ZNF45: variants seen among roughly 807,000 people sequenced by gnomAD.
The protein encoded by ZNF45 is BRC1744.
In ZNF45, 4 loss-of-function variants were observed where a neutral mutation model predicts 12.0. The ratio of observed to expected loss-of-function variants is 0.33; its 90% CI spans 0.16 to 0.76. ZNF45 has a LOEUF of 0.76. Among genes scored for constraint, ZNF45 ranks in the 30% least tolerant of loss-of-function variants. The pLI, the probability that ZNF45 is intolerant of heterozygous loss-of-function variation, is 0.60. For missense variants in ZNF45, 700 were observed against 813.0 expected (o/e 0.86, Z 1.69); for synonymous variants, 272 against 279.6 (o/e 0.97, Z 0.27).
intron 7 of ZNF45, among the ~76,000 whole-genome samples, chr19:43,921,824 GAACATTTTGTCTATAC>G (rs1973210341): frequency 6.6e-6 from 1 of 152,266 alleles, no homozygotes; most frequent in Middle Eastern, 3.4e-3. Context: ...GATGTAACTT[GAACATTTTGTCTATAC>G]AATGCTTATA....
intron 6 of ZNF45, among the ~76,000 whole-genome samples, chr19:43,922,817 TTTG>T (rs1201840611): frequency 8.6e-6 from 1 of 115,670 alleles, no homozygotes; most frequent in African/African-American, 3.0e-5. Context: ...CAATAAATTC[TTTG>T]TTTTTTTTTT....
chr19:43,918,721 G>A, intron 9 of ZNF45, 149 bp downstream of exon 9: 2 of 648,386 alleles, frequency 3.1e-6, no homozygotes, highest in South Asian at 2.0e-5. Context: ...ATATCCAAAA[G>A]CACCCAATAA....
chr19:43,925,695 T>A (rs1973616870), intron 3 of ZNF45, among the ~76,000 whole-genome samples: 1 of 152,170 alleles, frequency 6.6e-6, no homozygotes, highest in Admixed American at 6.5e-5. Context: ...GATCTCAGCT[T>A]ACTGCAACCT....
At chr19:43,928,933 T>C (rs1249158692) in intron 3 of ZNF45, among the ~76,000 whole-genome samples, 1 of 152,272 alleles carries the variant, frequency 6.6e-6, no homozygotes, top group Non-Finnish European at 1.5e-5. Flanking sequence ...ACTGTTTACA[T>C]AAATTCTTCA....
At chr19:43,916,863 C>T (rs1972724530) in intron 9 of ZNF45, among the ~76,000 whole-genome samples, 1 of 151,222 alleles carries the variant, frequency 6.6e-6, no homozygotes, top group Admixed American at 6.6e-5. Flanking sequence ...ATGCTGATCA[C>T]AAAATCATGG....
Position 43,913,830 on chromosome 19 carries a change from C to T in ZNF45, c.1606G>A (p.Gly536Ser), listed in dbSNP as rs1016847984. The T allele has an allele frequency of 1.9e-6, 3 of 1,613,832 alleles. No homozygotes were observed. The highest frequency in any genetic ancestry group is 3.3e-5 in the Admixed American group (2 of 60,016). ...TGAAGCTGTGAACCTACACTGAAGC[C>T]CTTCCCACACTCTGCACACTGATAT... ...KPYQCAECGK[G>S]FSVGSQLQAH... Residue 536 changes from glycine to serine, a missense_variant, in exon 10 of 10, where the codon GGC becomes AGC. Coordinates refer to ENST00000269973, the MANE Select transcript of ZNF45 (RefSeq NM_003425.4).
In ZNF45 at chr19:43,918,919, TTCTC is replaced by T. The variant is rs1222862031; in HGVS notation, c.182_185del (p.Arg61LysfsTer6). ...CCATCTTCATCATCCACAGCTTTTCTTCTCTCTCTAACTGTGGTAGGCCATCTGG... is the reference window on the plus strand; with the variant it reads ...CCATCTTCATCATCCACAGCTTTTCTTCTCTAACTGTGGTAGGCCATCTGG... On this transcript the variant is annotated frameshift_variant, in exon 9 of 10. Transcript: ENST00000269973. LOFTEE classifies it low-confidence loss of function (END_TRUNC). 1.2e-6 allele frequency: 2 copies of T among 1,614,032 alleles called. No individual in the cohort carries two copies. The highest frequency in any genetic ancestry group is 1.7e-6 in the Non-Finnish European group (2 of 1,180,016).
At chr19:43,923,266 A>C (rs1876658827) in intron 6 of ZNF45, among the ~76,000 whole-genome samples, 1 of 152,274 alleles carries the variant, frequency 6.6e-6, no homozygotes, top group Admixed American at 6.5e-5. Context: ...GGTCCTTCCT[A>C]TCCATAGTTT....
chr19:43,928,319 A>C (rs565423338), intron 3 of ZNF45, among the ~76,000 whole-genome samples: 1 of 152,266 alleles, frequency 6.6e-6, no homozygotes, highest in African/African-American at 2.4e-5. Flanking sequence ...AAATGATGAG[A>C]ATACATGGAC....
chr19:43,914,324 A>G lies in ZNF45; in HGVS notation c.1112T>C (p.Val371Ala). ...CTGATGGGCCTGAAGGTGTGAACCC[A>G]CACTGAAACCTTTCCCACACTCCTC... ...KCEECGKGFSVGSHLQAHQIS... is the reference protein window; with the variant it reads ...KCEECGKGFSAGSHLQAHQIS... Residue 371 changes from valine (V) to alanine (A), a missense_variant, in exon 10 of 10, where the codon GTG (valine) becomes GCG (alanine). Val to Ala is a moderately conservative substitution (Grantham distance 64, BLOSUM62 0). Coordinates refer to ENST00000269973, the MANE Select transcript of ZNF45 (RefSeq NM_003425.4). 1 of 1,608,070 alleles carries G rather than the reference A, an allele frequency of 6.2e-7. No homozygotes were observed.
At position 43,914,651 on chromosome 19, in the gene ZNF45, T is replaced by C. The variant is rs761170822; in HGVS notation, c.785A>G (p.His262Arg). ...ECGRNVGKSS[H>R]CQAPLIVHTG... ...ATGAACTATCAGAGGAGCTTGACAA[T>C]GTGAGCTTTTCCCAACATTCCTCCC... The change falls in exon 10 of 10, where the codon CAT becomes CGT. Residue 262 changes from histidine (H) to arginine (R), a missense_variant. Coordinates refer to ENST00000269973, the MANE Select transcript of ZNF45 (RefSeq NM_003425.4). 1.9e-6 allele frequency: 3 copies of C among 1,613,616 alleles called. No individual in the cohort carries two copies. The highest frequency in any genetic ancestry group is 1.3e-5 in the African/African-American group (1 of 74,922).
chr19:43,919,631 G>A lies in ZNF45; in HGVS notation c.84C>T (p.Ala28=), dbSNP rs765839716. 1.3e-5 allele frequency: 21 copies of A among 1,613,006 alleles called. No homozygotes were observed. The highest frequency in any genetic ancestry group is 1.7e-5 in the Non-Finnish European group (20 of 1,179,448). Residue 28 remains alanine (A), a synonymous_variant, in exon 8 of 10, where the codon GCC becomes GCT. Transcript: ENST00000269973. ...TCACATCTCGGTACAGCTTCCTCTG[G>A]GCAAGGTCCAGCAGTTGCAGCTCCT... ...SEEELQLLDL[A]QRKLYRDVML...
At position 43,928,181 on chromosome 19, in the gene ZNF45, C is replaced by CAAAA. The variant is rs71338710; in HGVS notation, c.-399-2727_-399-2724dup. On this transcript the variant is annotated intron_variant, in intron 3 of 9. Transcript: ENST00000269973. ...GGGCAACAAGAGCGAAACTCTGTCT[C>CAAAA]AAAAAAAAAAAAAAAAAAAAGATGT... 6.3e-3 allele frequency among the ~76,000 whole-genome samples: 587 copies of CAAAA among 93,592 alleles called. 22 individuals carry two copies. The highest frequency in any genetic ancestry group is 0.021 in the Middle Eastern group (3 of 146). The allele number at this position is 93,592 out of a possible 152,430, so 61.4% of individuals were successfully genotyped here.
chr19:43,924,601 T>C (rs1293945389), intron 4 of ZNF45, 40 bp from the exon 5 acceptor site: 1 of 152,098 alleles, frequency 6.6e-6, no homozygotes, highest in Non-Finnish European at 1.5e-5. Flanking sequence ...TAAGATCTCA[T>C]GGAAGGAGAA....
chr19:43,933,862 AACT>A (rs1974322704), intron 2 of ZNF45, among the ~76,000 whole-genome samples: 3 of 152,212 alleles, frequency 2.0e-5, no homozygotes, highest in Admixed American at 2.0e-4. Flanking sequence ...TCAAAATATG[AACT>A]ACTAATATTG....
intron 9 of ZNF45, among the ~76,000 whole-genome samples, chr19:43,918,458 A>C (rs1282196359): frequency 6.6e-6 from 1 of 152,172 alleles, no homozygotes; most frequent in Non-Finnish European, 1.5e-5. Context: ...GAATAGGATT[A>C]GTGCCCTTAT....
chr19:43,919,053 C>T (rs1434387187), intron 8 of ZNF45, 91 bp from the exon 9 acceptor site: 16 of 1,034,148 alleles, frequency 1.5e-5, no homozygotes, highest in Non-Finnish European at 2.1e-5. Context: ...GTCTTCAGGA[C>T]ATCAAACTTA....
intron 8 of ZNF45, 143 bp from the exon 9 acceptor site, chr19:43,919,105 T>C (rs749399765): frequency 1.5e-5 from 10 of 661,714 alleles, no homozygotes; most frequent in Non-Finnish European, 2.3e-5. Context: ...GGAGGAAGTA[T>C]ATTTCATGCA....
chr19:43,934,508 T>C lies in ZNF45; in HGVS notation c.-569A>G. 1 of 133,326 alleles carries C rather than the reference T, an allele frequency of 7.5e-6. No homozygotes were observed. The highest frequency in any genetic ancestry group is 1.7e-5 in the Non-Finnish European group (1 of 59,706). 8.3% of individuals were successfully genotyped at this position (133,326 alleles called of 1,614,324 possible). A position where few individuals can be genotyped will look rare whatever the true frequency, so the allele number is the denominator to read the frequency against. On this transcript the variant is annotated 5_prime_UTR_variant, in exon 2 of 10. Transcript: ENST00000269973. The stretch of plus-strand genomic sequence containing the variant: ...TCTGCTGCCAGAAGCCAGGATGCTC[T>C]CCTTCCTCCTCTCCCGCAGCATTCT...
Sources: gnomAD v4.1 joint callset for allele counts (sites outside exome capture counted in the v4.1 genomes callset) on GRCh38, gnomAD v4.1.1 for gene constraint, MANE v1.5 for transcripts, NCBI Gene and HGNC (gene_info 2026-07-23, HGNC 2026-07-21) for gene names.